The following PCDHGA7 variants were observed in gnomAD, a reference collection of about 807,000 sequenced individuals.
The protein encoded by PCDHGA7 is protocadherin gamma-A7.
Under a neutral mutation model 58.3 loss-of-function variants are expected in PCDHGA7, and 44 were observed. The observed-to-expected ratio is 0.75, with a 90% CI of 0.59 to 0.97. The LOEUF (loss-of-function observed/expected upper bound fraction) is 0.97. Ranked by LOEUF, PCDHGA7 falls within the 50% of genes least tolerant of loss-of-function variation. PCDHGA7 has a pLI of 0.00. For synonymous variants in PCDHGA7, 516 were observed against 504.2 expected (o/e 1.02, Z -0.31); for missense variants, 1,266 against 1,188.7 (o/e 1.06, Z -0.96).
chr5:141,403,571 G>T (rs778030830), intron 1 of PCDHGA7: 2 of 1,613,904 alleles, frequency 1.2e-6, no homozygotes, highest in South Asian at 1.1e-5. Flanking sequence ...GGAGGCAACT[G>T]CCCACCACCT....
rs1317699369 is a variant in PCDHGA7 at position 141,477,408 on chromosome 5, A to G, written c.2425-17399A>G. The G allele has an allele frequency of 6.2e-7, 1 of 1,614,098 alleles. No homozygotes were observed. ...TACAACCTCAGCATCACCGCCCGAG[A>G]CGCCGGAACCCCTTCCCTCTCAGCC... On this transcript the variant is annotated intron_variant, in intron 1 of 3. Transcript: ENST00000518325. This position sits in a 1 kb window ranked among gnomAD's most constrained non-coding sequence, Gnocchi z 4.9.
chr5:141,408,131 G>C, intron 1 of PCDHGA7: 1 of 1,482,338 alleles, frequency 6.7e-7, no homozygotes, highest in South Asian at 1.4e-5. Flanking sequence ...TGGGCCGAAT[G>C]CTCTTTTAGC....
At chr5:141,408,076 A>C in intron 1 of PCDHGA7, 1 of 1,399,800 alleles carries the variant, frequency 7.1e-7, no homozygotes. Flanking sequence ...GACCTTTCCC[A>C]GCACAGCGGA....
chr5:141,488,170 T>C (rs554585709), intron 1 of PCDHGA7, among the ~76,000 whole-genome samples: 2 of 152,318 alleles, frequency 1.3e-5, no homozygotes, highest in African/African-American at 2.4e-5. Context: ...ATCAGAGTGG[T>C]GGCATAGATC....
chr5:141,498,930 C>T (rs2099786911), intron 2 of PCDHGA7, among the ~76,000 whole-genome samples: 1 of 121,364 alleles, frequency 8.2e-6, no homozygotes, highest in Non-Finnish European at 1.6e-5. Flanking sequence ...GAGACTCCAT[C>T]AGGAAAGAAA....
chr5:141,403,415 C>A, intron 1 of PCDHGA7: 1 of 1,614,046 alleles, frequency 6.2e-7, no homozygotes, highest in East Asian at 2.2e-5. Context: ...TTATCCACTT[C>A]CAGAAGCTAT....
chr5:141,495,032 G>T, intron 2 of PCDHGA7, 167 bp downstream of exon 2: 1 of 967,732 alleles, frequency 1.0e-6, no homozygotes, highest in Non-Finnish European at 1.2e-6. Flanking sequence ...GACCCCGGAA[G>T]GAAGAGGCGA....
chr5:141,421,092 C>T, intron 1 of PCDHGA7: 1 of 663,988 alleles, frequency 1.5e-6, no homozygotes, highest in Non-Finnish European at 2.5e-6. Flanking sequence ...CAGATCCTGA[C>T]ACTGGAGACT....
In PCDHGA7 at chr5:141,485,624, C is replaced by T; in HGVS notation, c.2425-9183C>T. 1 of 1,611,640 alleles carries T rather than the reference C, an allele frequency of 6.2e-7. No homozygotes were observed. The highest frequency in any genetic ancestry group is 1.1e-5 in the South Asian group (1 of 90,868). The stretch of plus-strand genomic sequence containing the variant: ...TGGGGAGGCAGCTCCTCCAGGACAG[C>T]GTTTCCCGTTGGAAAAGGCTCAGGA... On this transcript the variant is annotated intron_variant, in intron 1 of 3. Transcript: ENST00000518325. This position sits in a 1 kb window ranked among gnomAD's most constrained non-coding sequence, Gnocchi z 5.7.
In PCDHGA7 at chr5:141,432,929, C is replaced by T. The variant is rs759937939; in HGVS notation, c.2424+47606C>T. On this transcript the variant is annotated intron_variant, in intron 1 of 3. Coordinates refer to ENST00000518325, the MANE Select transcript of PCDHGA7 (RefSeq NM_018920.4). This position sits in a 1 kb window ranked among gnomAD's most constrained non-coding sequence, Gnocchi z 6.0. ...GCTGCGGCGCTGGCACAAGTCACGCCTGCTGCAGGCTTCAGGAGGCGGCTT... is the reference window on the plus strand; with the variant it reads ...GCTGCGGCGCTGGCACAAGTCACGCTTGCTGCAGGCTTCAGGAGGCGGCTT... The T allele has an allele frequency of 6.2e-7, 1 of 1,614,078 alleles. No individual in the cohort carries two copies. Among genetic ancestry groups the T allele is most frequent in the African/African-American group, 1.3e-5 (1 of 74,948 alleles).
chr5:141,471,058 T>C (rs991869999), intron 1 of PCDHGA7, among the ~76,000 whole-genome samples: 2 of 149,826 alleles, frequency 1.3e-5, no homozygotes, highest in Non-Finnish European at 3.0e-5. Context: ...TTTTTTTTTT[T>C]TTTTTTTTGA....
chr5:141,438,760 C>T (rs1346379482), intron 1 of PCDHGA7, among the ~76,000 whole-genome samples: 4 of 148,802 alleles, frequency 2.7e-5, no homozygotes, highest in South Asian at 2.1e-4. Context: ...CTCCTGGGTT[C>T]AAGCGATTCT....
chr5:141,509,684 C>G (rs572295300), intron 3 of PCDHGA7, among the ~76,000 whole-genome samples: 139 of 152,310 alleles, frequency 9.1e-4, no homozygotes, highest in Admixed American at 3.7e-3. Flanking sequence ...TTCTTCTGTA[C>G]AGTGGGACGT....
chr5:141,503,910 G>A (rs1311674998), intron 2 of PCDHGA7, among the ~76,000 whole-genome samples: 1 of 152,062 alleles, frequency 6.6e-6, no homozygotes, highest in Admixed American at 6.6e-5. Flanking sequence ...CACACACAAC[G>A]CAACACACAC....
intron 1 of PCDHGA7, chr5:141,392,986 A>G (rs573495684): frequency 1.9e-6 from 3 of 1,613,454 alleles, no homozygotes; most frequent in East Asian, 4.5e-5. Context: ...GACCCCCGGA[A>G]GCTGGCGAAG....
intron 1 of PCDHGA7, chr5:141,413,901 C>T (rs375828969): frequency 1.5e-5 from 24 of 1,613,244 alleles, no homozygotes; most frequent in African/African-American, 1.1e-4. Context: ...CAAATGACAA[C>T]GCGCCGGTCT....
intron 1 of PCDHGA7, chr5:141,421,951 A>G: frequency 6.2e-7 from 1 of 1,612,854 alleles, no homozygotes; most frequent in Non-Finnish European, 8.5e-7. Flanking sequence ...TCACATCCCA[A>G]TGTTTACACA....
chr5:141,433,228 C>G (rs2097577964), intron 1 of PCDHGA7: 7 of 1,522,184 alleles, frequency 4.6e-6, no homozygotes, highest in Non-Finnish European at 5.4e-6. Flanking sequence ...TTTAATTGCT[C>G]TGTCTCCCAA....
In PCDHGA7 at chr5:141,487,715, C is replaced by T. The variant is rs1209272301; in HGVS notation, c.2425-7092C>T. 2.5e-6 allele frequency: 4 copies of T among 1,582,708 alleles called. No individual in the cohort carries two copies. The highest frequency in any genetic ancestry group is 1.8e-5 in the Admixed American group (1 of 54,696). The stretch of plus-strand genomic sequence containing the variant: ...GAGTACTGGCCTCTCAGTAAGTGCC[C>T]ATAGTGATGTCACCATTTTTGTAAG... On this transcript the variant is annotated intron_variant, in intron 1 of 3. Transcript: ENST00000518325. This position sits in a 1 kb window ranked among gnomAD's most constrained non-coding sequence, Gnocchi z 5.0.
Sources: allele counts gnomAD v4.1 joint callset (sites outside exome capture counted in the v4.1 genomes callset), GRCh38; gene constraint gnomAD v4.1.1; non-coding constraint Gnocchi (gnomAD v3.1); transcripts MANE v1.5; gene names NCBI Gene and HGNC (gene_info 2026-07-23, HGNC 2026-07-21).